The following HK3 variants were observed in gnomAD, a reference collection of about 807,000 sequenced individuals.
HK3 encodes the protein hexokinase-3.
In HK3, 93 loss-of-function variants were observed where a neutral mutation model predicts 91.0. The ratio of observed to expected loss-of-function variants is 1.02; its 90% CI spans 0.86 to 1.21. The LOEUF (loss-of-function observed/expected upper bound fraction) is 1.21, where lower values mean the gene tolerates loss of function less well. Among genes scored for constraint, HK3 ranks in the 50% most tolerant of loss-of-function variants. HK3 has a pLI of 0.00. For synonymous variants in HK3, 519 were observed against 516.9 expected (o/e 1.00, Z -0.06); for missense variants, 1,235 against 1,247.4 (o/e 0.99, Z 0.15).
In HK3 at chr5:176,881,781, G is replaced by A; in HGVS notation, c.2304C>T (p.Thr768=). 2 of 1,614,188 alleles carry A rather than the reference G, an allele frequency of 1.2e-6. No individual in the cohort carries two copies. Among genetic ancestry groups the A allele is most frequent in the Non-Finnish European group, 1.7e-6 (2 of 1,180,032 alleles). The change falls in exon 17 of 19, where the codon ACC becomes ACT. Residue 768 remains threonine (T), a synonymous_variant. Coordinates refer to ENST00000292432, the MANE Select transcript of HK3 (RefSeq NM_002115.3). The part of the protein sequence containing the change: ...EIVRHILLHL[T]SLGVLFRGQQ... Reference sequence around the variant, plus strand: ...GGCCCCGGAAGAGAACGCCAAGGCTGGTTAAATGTAAAAGGATGTGGCGGA... The same window carrying A: ...GGCCCCGGAAGAGAACGCCAAGGCTAGTTAAATGTAAAAGGATGTGGCGGA...
In HK3 at chr5:176,890,645, C is replaced by T. The variant is rs200172239; in HGVS notation, c.620G>A (p.Arg207Gln). ...DVVQLLRDAI[R>Q]RQGAYNIDVV... ...CCTCCCTCCACTCACCCCCTGCCTC[C>T]GAATGGCATCTCTCAGCAGCTGGAC... The change falls in exon 6 of 19, where the codon CGG (arginine) becomes CAG (glutamine). Residue 207 changes from arginine to glutamine, a missense_variant. This residue lies in a region of HK3 where 717 missense variants were observed against 751.6 expected (regional missense o/e 0.95). Coordinates refer to ENST00000292432, the MANE Select transcript of HK3 (RefSeq NM_002115.3). 118 of 1,613,938 alleles carry T rather than the reference C, an allele frequency of 7.3e-5. No homozygotes were observed. Among genetic ancestry groups the T allele is most frequent in the Non-Finnish European group, 8.6e-5 (102 of 1,179,932 alleles).
intron 15 of HK3, among the ~76,000 whole-genome samples, chr5:176,883,007 C>G (rs760596293): frequency 2.0e-5 from 3 of 152,174 alleles, no homozygotes; most frequent in Non-Finnish European, 4.4e-5. Flanking sequence ...TCCCTCCTCC[C>G]CAACAGAGCC....
rs1478051528 is a variant in HK3, at chr5:176,881,773, C to T, written c.2312G>A (p.Gly771Asp). 4 of 1,614,078 alleles carry T rather than the reference C, an allele frequency of 2.5e-6. No homozygotes were observed. In the Admixed American group the frequency reaches 5.0e-5, roughly 20 times the overall value. ...GATCTGCTGGCCCCGGAAGAGAACG[C>T]CAAGGCTGGTTAAATGTAAAAGGAT... ...RHILLHLTSL[G>D]VLFRGQQIQR... The change falls in exon 17 of 19, where the codon GGC becomes GAC. Residue 771 changes from glycine to aspartate, a missense_variant. This residue lies in a region of HK3 where 513 missense variants were observed against 477.4 expected (regional missense o/e 1.07). Coordinates refer to ENST00000292432, the MANE Select transcript of HK3 (RefSeq NM_002115.3).
Position 176,890,783 on chromosome 5 carries a change from C to T in HK3, c.534+39G>A, listed in dbSNP as rs756379086. ...TCTGACGGCCTTCATGGGGCTGCAG[C>T]CACCCTCTACCCAGCGTCCCATGTC... is the stretch of plus-strand genomic sequence containing the variant. On this transcript the variant is annotated intron_variant, in intron 5 of 18. Coordinates refer to ENST00000292432, the MANE Select transcript of HK3 (RefSeq NM_002115.3). The T allele has an allele frequency of 6.8e-6, 11 of 1,614,060 alleles. No individual in the cohort carries two copies. In the Admixed American group the frequency reaches 1.7e-4, roughly 24 times the overall value.
At position 176,896,138 on chromosome 5, in the gene HK3, C is replaced by G. The variant is rs1758905967; in HGVS notation, c.22G>C (p.Gly8Arg). MDSIGSS[G>R]LRQGEETLSC... is the part of the protein sequence containing the mutation. ...AGGGTTTCTTCCCCCTGCCGCAACC[C>G]TGAAGACCCAATGGAGTCCATGAGC... The change falls in exon 2 of 19, where the codon GGG becomes CGG. Residue 8 changes from glycine (G) to arginine (R), a missense_variant. Coordinates refer to ENST00000292432, the MANE Select transcript of HK3 (RefSeq NM_002115.3). 3 of 1,611,614 alleles carry G rather than the reference C, an allele frequency of 1.9e-6. No homozygotes were observed. The highest frequency in any genetic ancestry group is 2.7e-5 in the African/African-American group (2 of 74,920).
At chr5:176,896,297 G>T (rs691141) in intron 1 of HK3, 112 bp from the exon 2 acceptor site, 3 of 505,982 alleles carry the variant, frequency 5.9e-6, no homozygotes, top group Non-Finnish European at 1.1e-5. Flanking sequence ...GAAGCTGGGA[G>T]CAGAATTCAG....
rs374467362 is a variant in HK3, at chr5:176,881,373, C to G, written c.2556G>C (p.Arg852=). Residue 852 remains arginine (R), a synonymous_variant, in exon 18 of 19, where the codon CGG becomes CGC. Transcript: ENST00000292432. Reference sequence around the variant, plus strand: ...CCAGCTCTTCCAGGCCCCGGTTCTCCCGGATCTTCTCCACCACGGCAGCTA... The same window carrying G: ...CCAGCTCTTCCAGGCCCCGGTTCTCGCGGATCTTCTCCACCACGGCAGCTA... ...AGVAAVVEKI[R]ENRGLEELAV... is the part of the protein sequence containing the mutation. The G allele has an allele frequency of 1.2e-5, 20 of 1,613,986 alleles. No homozygotes were observed. The African/African-American group carries it at 2.7e-4, about 22-fold the overall frequency.
At chr5:176,885,190 T>C (rs1758550186) in intron 13 of HK3, among the ~76,000 whole-genome samples, 1 of 152,164 alleles carries the variant, frequency 6.6e-6, no homozygotes, top group Non-Finnish European at 1.5e-5. Flanking sequence ...CTGAGAAATC[T>C]GAGAACAGAG....
chr5:176,894,054 A>G (rs907981658), intron 2 of HK3, among the ~76,000 whole-genome samples: 1 of 152,212 alleles, frequency 6.6e-6, no homozygotes, highest in African/African-American at 2.4e-5. Context: ...CAGAGATGCC[A>G]TGAGGACTGA....
chr5:176,891,025 G>A lies in HK3; in HGVS notation c.414+12C>T, dbSNP rs201283779. On this transcript the variant is annotated intron_variant, in intron 4 of 18. Coordinates refer to ENST00000292432, the MANE Select transcript of HK3 (RefSeq NM_002115.3). ...GCCCCCAGACCCCAGAGGCTGGGCA[G>A]TGAGTGCTTACCTGCTGGCCAGCAC... is the stretch of plus-strand genomic sequence containing the variant. The A allele has an allele frequency of 6.4e-4, 1,028 of 1,613,828 alleles. 2 individuals carry two copies. Among genetic ancestry groups the A allele is most frequent in the Non-Finnish European group, 8.4e-4 (993 of 1,179,948 alleles).
intron 2 of HK3, among the ~76,000 whole-genome samples, chr5:176,894,392 T>G (rs976186136): frequency 2.0e-5 from 3 of 152,184 alleles, no homozygotes; most frequent in African/African-American, 4.8e-5. Flanking sequence ...CCGAAAGGGA[T>G]TCTTTCAACC....
At chr5:176,890,058 T>C (rs1758724513) in intron 6 of HK3, among the ~76,000 whole-genome samples, 1 of 152,142 alleles carries the variant, frequency 6.6e-6, no homozygotes, top group South Asian at 2.1e-4. Context: ...ACTCTGCGCC[T>C]TGCCAGCCTC....
At chr5:176,886,793 C>T (rs1758595317) in intron 13 of HK3, among the ~76,000 whole-genome samples, 1 of 152,192 alleles carries the variant, frequency 6.6e-6, no homozygotes, top group South Asian at 2.1e-4. Context: ...CTAGGCCTGA[C>T]CTGCTCCCAA....
rs1376328099 is a variant in HK3 at position 176,896,164 on chromosome 5, T to A, written c.-5A>T. The A allele has an allele frequency of 6.3e-7, 1 of 1,595,706 alleles. No individual in the cohort carries two copies. The highest frequency in any genetic ancestry group is 1.1e-5 in the South Asian group (1 of 88,672). ...TGAAGACCCAATGGAGTCCATGAGC[T>A]TCCACAGTGGAAGGTGGCCACCTAT... is the stretch of plus-strand genomic sequence containing the variant. On this transcript the variant is annotated 5_prime_UTR_variant, in exon 2 of 19. It adds an upstream start codon to the 5' untranslated region. Transcript: ENST00000292432.
chr5:176,886,839 G>A (rs902357714), intron 13 of HK3, among the ~76,000 whole-genome samples, 163 bp downstream of exon 13: 4 of 152,168 alleles, frequency 2.6e-5, no homozygotes, highest in Non-Finnish European at 4.4e-5. Context: ...TACCCTGTCT[G>A]GGGAAACTGA....
At chr5:176,883,916 C>T in intron 14 of HK3, 47 bp from the exon 15 acceptor site, 1 of 1,599,226 alleles carries the variant, frequency 6.3e-7, no homozygotes. Context: ...GCGGTCGTCA[C>T]AGCAACCAGC....
chr5:176,895,957 GGA>G, intron 2 of HK3, 105 bp downstream of exon 2: 1 of 877,468 alleles, frequency 1.1e-6, no homozygotes, highest in Non-Finnish European at 1.9e-6. Context: ...AAAGCTCAGT[GGA>G]AAGGGGCTGC....
chr5:176,881,038 G>T lies in HK3; in HGVS notation c.*35C>A. The T allele has an allele frequency of 6.4e-7, 1 of 1,560,270 alleles. No homozygotes were observed. Among genetic ancestry groups the T allele is most frequent in the African/African-American group, 1.4e-5 (1 of 72,772 alleles). ...CAGACCCCGACCCGGCTCCAGCAAGGCTGCGGCGGAGACCTCCTCAGCCTG... is the reference window on the plus strand; with the variant it reads ...CAGACCCCGACCCGGCTCCAGCAAGTCTGCGGCGGAGACCTCCTCAGCCTG... On this transcript the variant is annotated 3_prime_UTR_variant, in exon 19 of 19. Coordinates refer to ENST00000292432, the MANE Select transcript of HK3 (RefSeq NM_002115.3).
intron 1 of HK3, among the ~76,000 whole-genome samples, chr5:176,896,866 T>C (rs1445324917): frequency 6.6e-6 from 1 of 152,072 alleles, no homozygotes; most frequent in Non-Finnish European, 1.5e-5. Flanking sequence ...ATATCTACCC[T>C]CACAAGGTTG....
Sources: gnomAD v4.1 joint callset for allele counts (sites outside exome capture counted in the v4.1 genomes callset) on GRCh38, gnomAD v4.1.1 for gene constraint, gnomAD v4.1.1 regional missense constraint, MANE v1.5 for transcripts, NCBI Gene and HGNC (gene_info 2026-07-23, HGNC 2026-07-21) for gene names.